ZNF626: variants seen among roughly 807,000 people sequenced by gnomAD.
ZNF626 encodes zinc finger protein 626, also known as CTC-513N18.7.
ZNF626 carries 4 observed loss-of-function variants against 11.7 expected under a neutral mutation model. The ratio of observed to expected loss-of-function variants is 0.34; its 90% CI spans 0.17 to 0.78. The LOEUF (loss-of-function observed/expected upper bound fraction) is 0.78. ZNF626 is among the 30% of genes least tolerant of loss of function. ZNF626 has a pLI of 0.57. For missense variants in ZNF626, 588 were observed against 587.1 expected, an observed-to-expected ratio of 1.00 and a Z score of -0.01; for synonymous variants, 179 against 198.6, an observed-to-expected ratio of 0.90 and a Z score of 0.83.
chr19:20,646,057 A>G (rs1555771872), intron 2 of ZNF626, among the ~76,000 whole-genome samples: 2 of 152,178 alleles, frequency 1.3e-5, no homozygotes, highest in African/African-American at 4.8e-5. Context: ...AATTACCACT[A>G]ATTTAGAGTG....
chr19:20,637,868 TAATA>T (rs1276317393), intron 3 of ZNF626, among the ~76,000 whole-genome samples: 2 of 152,120 alleles, frequency 1.3e-5, no homozygotes, highest in Non-Finnish European at 2.9e-5. Context: ...TTAAACTACT[TAATA>T]AAATAAAATG....
chr19:20,654,686 AGAGT>A (rs559426584), intron 1 of ZNF626, among the ~76,000 whole-genome samples: 43 of 152,240 alleles, frequency 2.8e-4, no homozygotes, highest in Non-Finnish European at 5.0e-4. Flanking sequence ...CCCGGACGAC[AGAGT>A]GAGACTCCGG....
Position 20,625,269 on chromosome 19 carries a change from C to A in ZNF626, c.608G>T (p.Cys203Phe). 6.2e-7 allele frequency: 1 copy of A among 1,613,802 alleles called. No homozygotes were observed. The highest frequency in any genetic ancestry group is 8.5e-7 in the Non-Finnish European group (1 of 1,179,976). ...KIHTGGKPYK[C>F]EECGKAFNHS... The stretch of plus-strand genomic sequence containing the variant: ...GTTAAAGGCTTTGCCACATTCTTCA[C>A]ATTTGTAGGGTTTCCCTCCAGTATG... The change falls in exon 4 of 4, where the codon TGT becomes TTT. Residue 203 changes from cysteine (C) to phenylalanine (F), a missense_variant. Coordinates refer to ENST00000601440, the MANE Select transcript of ZNF626 (RefSeq NM_001076675.3).
intron 3 of ZNF626, among the ~76,000 whole-genome samples, chr19:20,629,562 C>T (rs781824990): frequency 0.06 from 8,557 of 143,214 alleles, no homozygotes; most frequent in Middle Eastern, 0.068. Context: ...TGGGAGTTTA[C>T]TCATGATTTG....
chr19:20,626,993 G>A (rs1006885764), intron 3 of ZNF626, among the ~76,000 whole-genome samples: 2 of 151,582 alleles, frequency 1.3e-5, no homozygotes, highest in Non-Finnish European at 2.9e-5. Context: ...CCAGAGCCTG[G>A]GTGACAGAAA....
At chr19:20,635,046 A>T (rs1346489389) in intron 3 of ZNF626, among the ~76,000 whole-genome samples, 1 of 152,216 alleles carries the variant, frequency 6.6e-6, no homozygotes, top group African/African-American at 2.4e-5. Flanking sequence ...AAAATACTGG[A>T]ATCTCATTCA....
At chr19:20,629,510 G>A (rs569640004) in intron 3 of ZNF626, among the ~76,000 whole-genome samples, 8 of 152,192 alleles carry the variant, frequency 5.3e-5, no homozygotes, top group African/African-American at 1.9e-4. Context: ...CCCTTGTAAG[G>A]TGGATTCCTA....
intron 3 of ZNF626, among the ~76,000 whole-genome samples, chr19:20,642,793 G>A (rs573097702): frequency 2.6e-5 from 4 of 152,092 alleles, no homozygotes; most frequent in East Asian, 3.9e-4. Flanking sequence ...TGAGGCGGGC[G>A]GATCACCTGA....
intron 3 of ZNF626, among the ~76,000 whole-genome samples, chr19:20,639,696 C>T (rs1321598456): frequency 2.0e-5 from 3 of 152,164 alleles, no homozygotes; most frequent in Non-Finnish European, 4.4e-5. Flanking sequence ...AAAATTATGC[C>T]ACTGCACTTC....
chr19:20,652,353 T>C (rs1343164593), intron 1 of ZNF626, among the ~76,000 whole-genome samples: 1 of 150,482 alleles, frequency 6.6e-6, no homozygotes, highest in Non-Finnish European at 1.5e-5. Flanking sequence ...TTTATTTGGG[T>C]AAAGTTTACA....
rs1355815614 is a variant in ZNF626 at position 20,624,166 on chromosome 19, C to T, written c.*124G>A. ...TTTAGAGGAGTGCTTAAAGGCTTTGCCACATTCTTCACATCTGTAGGGTTT... is the reference window on the plus strand; with the variant it reads ...TTTAGAGGAGTGCTTAAAGGCTTTGTCACATTCTTCACATCTGTAGGGTTT... On this transcript the variant is annotated 3_prime_UTR_variant, in exon 4 of 4. Transcript: ENST00000601440. 3 of 1,513,504 alleles carry T rather than the reference C, an allele frequency of 2.0e-6. No homozygotes were observed. The highest frequency in any genetic ancestry group is 4.5e-5 in the East Asian group (2 of 44,276). The allele number at this position is 1,513,504 out of a possible 1,614,324, so 93.8% of individuals were successfully genotyped here. A position where few individuals can be genotyped will look rare whatever the true frequency, so the allele number is the denominator to read the frequency against.
At chr19:20,627,021 A>AAACT (rs529073039) in intron 3 of ZNF626, among the ~76,000 whole-genome samples, 113 of 147,550 alleles carry the variant, frequency 7.7e-4, no homozygotes, top group Non-Finnish European at 1.1e-3. Flanking sequence ...CATCTCAGAA[A>AAACT]AACTAACTAA....
intron 3 of ZNF626, among the ~76,000 whole-genome samples, chr19:20,639,713 G>A (rs1157641860): frequency 2.0e-5 from 3 of 152,076 alleles, no homozygotes; most frequent in African/African-American, 7.2e-5. Flanking sequence ...CTTCACACGA[G>A]GTGACAGTAA....
chr19:20,655,641 G>A (rs1467253064), intron 1 of ZNF626, among the ~76,000 whole-genome samples: 6 of 151,430 alleles, frequency 4.0e-5, no homozygotes, highest in African/African-American at 9.7e-5. Context: ...AGGGAATAGC[G>A]GCCAGGCACG....
intron 3 of ZNF626, among the ~76,000 whole-genome samples, chr19:20,635,201 G>A (rs2144774071): frequency 6.6e-6 from 1 of 152,288 alleles, no homozygotes; most frequent in South Asian, 2.1e-4. Flanking sequence ...ACAGAGTGGT[G>A]TTTGAAAAGT....
chr19:20,639,869 C>T (rs1555771240), intron 3 of ZNF626, among the ~76,000 whole-genome samples: 1 of 152,154 alleles, frequency 6.6e-6, no homozygotes, highest in African/African-American at 2.4e-5. Flanking sequence ...GAAACACACT[C>T]TTCAACATAT....
intron 1 of ZNF626, among the ~76,000 whole-genome samples, chr19:20,653,457 G>A (rs1555772765): frequency 6.6e-6 from 1 of 152,016 alleles, no homozygotes; most frequent in African/African-American, 2.4e-5. Context: ...AGATTGAAGA[G>A]GACATCTGTG....
At chr19:20,652,287 A>AT (rs1164010642) in intron 1 of ZNF626, among the ~76,000 whole-genome samples, 1 of 135,536 alleles carries the variant, frequency 7.4e-6, no homozygotes, top group African/African-American at 3.2e-5. Context: ...ATTCTAAATG[A>AT]TAAGTCTACA....
chr19:20,630,626 T>A (rs1259297963), intron 3 of ZNF626, among the ~76,000 whole-genome samples: 1 of 149,650 alleles, frequency 6.7e-6, no homozygotes, highest in Non-Finnish European at 1.5e-5. Flanking sequence ...GGTGGTGATA[T>A]CCCCTTTATC....
Sources: allele counts gnomAD v4.1 joint callset (sites outside exome capture counted in the v4.1 genomes callset), GRCh38; gene constraint gnomAD v4.1.1; transcripts MANE v1.5; gene names NCBI Gene and HGNC (gene_info 2026-07-23, HGNC 2026-07-21).